Variants in PLCG2 observed in about 807,000 individuals in gnomAD.
PLCG2 encodes the protein phospholipase C gamma 2.
A neutral mutation model predicts 175.6 loss-of-function variants in PLCG2; 69 were observed. That is an observed-to-expected ratio of 0.39 (90% confidence interval 0.32 to 0.48). PLCG2 has a LOEUF of 0.48. Ranked by LOEUF, PLCG2 falls within the 20% of genes least tolerant of loss-of-function variation. PLCG2 has a pLI of 0.91. For missense variants in PLCG2, 1,798 were observed against 1,650.9 expected (o/e 1.09, Z -1.54); for synonymous variants, 827 against 624.0 (o/e 1.33, Z -4.85).
intron 25 of PLCG2, among the ~76,000 whole-genome samples, chr16:81,934,117 G>T (rs1910613121): frequency 6.6e-6 from 1 of 152,154 alleles, no homozygotes; most frequent in South Asian, 2.1e-4. Context: ...GGGACAGGAG[G>T]CAGAGTTAAA....
At chr16:81,803,536 T>C (rs1244573692) in intron 2 of PLCG2, among the ~76,000 whole-genome samples, 2 of 123,390 alleles carry the variant, frequency 1.6e-5, no homozygotes, top group African/African-American at 2.7e-5. Context: ...CCTTTCTTTC[T>C]TTTCTTTCTT....
intron 7 of PLCG2, among the ~76,000 whole-genome samples, chr16:81,872,699 G>A (rs1907576142): frequency 6.6e-6 from 1 of 152,252 alleles, no homozygotes; most frequent in South Asian, 2.1e-4. Context: ...CCAGAGAAAG[G>A]TGTGAGGGCT....
chr16:81,870,368 A>G (rs1426603743), intron 6 of PLCG2, among the ~76,000 whole-genome samples: 2 of 152,224 alleles, frequency 1.3e-5, no homozygotes, highest in African/African-American at 4.8e-5. Flanking sequence ...AATTAATTGG[A>G]GCTGAGTTCT....
chr16:81,874,294 T>A (rs1321524101), intron 7 of PLCG2, among the ~76,000 whole-genome samples: 1 of 152,242 alleles, frequency 6.6e-6, no homozygotes, highest in Non-Finnish European at 1.5e-5. Context: ...CATACAGCTC[T>A]GTCTGCTCAT....
At chr16:81,835,542 G>A (rs756301404) in intron 2 of PLCG2, among the ~76,000 whole-genome samples, 66 of 152,022 alleles carry the variant, frequency 4.3e-4, no homozygotes, top group Admixed American at 2.1e-3. Context: ...TTGTGCCATT[G>A]CTCTCTAGCC....
At chr16:81,868,959 C>G (rs1907378404) in intron 5 of PLCG2, among the ~76,000 whole-genome samples, 1 of 152,210 alleles carries the variant, frequency 6.6e-6, no homozygotes, top group Non-Finnish European at 1.5e-5. Context: ...GGAGACCAGC[C>G]CTCCTTATTG....
intron 32 of PLCG2, among the ~76,000 whole-genome samples, chr16:81,957,422 C>A (rs866853660): frequency 2.0e-5 from 3 of 152,284 alleles, no homozygotes; most frequent in Admixed American, 6.5e-5. Context: ...AGAACTGTTT[C>A]CTCTAGAAGG....
At chr16:81,819,405 G>C (rs1238624094) in intron 2 of PLCG2, among the ~76,000 whole-genome samples, 2 of 152,078 alleles carry the variant, frequency 1.3e-5, no homozygotes, top group African/African-American at 2.4e-5. Context: ...GAATCCCCTT[G>C]TGCAGCCAGG....
At chr16:81,910,853 T>C (rs984468310) in intron 18 of PLCG2, 133 bp downstream of exon 18, 4 of 811,088 alleles carry the variant, frequency 4.9e-6, no homozygotes, top group Non-Finnish European at 8.1e-6. Flanking sequence ...CATCTCAAAA[T>C]TGCCGAGGTG....
chr16:81,784,513 T>C (rs1910883521), intron 1 of PLCG2, among the ~76,000 whole-genome samples: 1 of 152,214 alleles, frequency 6.6e-6, no homozygotes, highest in African/African-American at 2.4e-5. Context: ...CCTCCTTCTT[T>C]GGATCCTGGG....
intron 25 of PLCG2, among the ~76,000 whole-genome samples, chr16:81,933,073 C>A (rs1453409738): frequency 1.3e-5 from 2 of 152,220 alleles, no homozygotes; most frequent in Non-Finnish European, 2.9e-5. Flanking sequence ...CTCTCCCCTG[C>A]CTCACACCTC....
upstream of PLCG2, among the ~76,000 whole-genome samples, chr16:81,778,022 A>AC (rs1555505422): frequency 6.0e-5 from 5 of 83,354 alleles, no homozygotes; most frequent in African/African-American, 2.0e-4. Context: ...GTCTCAAAAA[A>AC]AAAAAAAAAC....
chr16:81,771,580 T>C (rs181211057), intron 2 of PLCG2, among the ~76,000 whole-genome samples: 22 of 152,246 alleles, frequency 1.4e-4, no homozygotes, highest in African/African-American at 3.1e-4. Context: ...CATTCTGTGA[T>C]AGTAAATGCC....
At position 81,923,821 on chromosome 16, in the gene PLCG2, ATAT is replaced by A. The variant is rs1168054839; in HGVS notation, c.2417+234_2417+236del. On this transcript the variant is annotated intron_variant, in intron 22 of 32. Transcript: ENST00000564138. ...ATCGACATATCATATCATATATTGT[ATAT>A]TATTATAATTACAACAGCAGCTACC... 2.0e-5 allele frequency among the ~76,000 whole-genome samples: 3 copies of A among 152,322 alleles called. No homozygotes were observed. In the East Asian group the frequency reaches 5.8e-4, roughly 29 times the overall value.
chr16:81,740,987 A>G (rs1373072648), intron 1 of PLCG2, among the ~76,000 whole-genome samples: 2 of 152,326 alleles, frequency 1.3e-5, no homozygotes, highest in East Asian at 1.9e-4. Flanking sequence ...GCAAGTTTGA[A>G]TAGAGTTCTA....
chr16:81,865,188 T>G (rs1043999475), intron 5 of PLCG2, among the ~76,000 whole-genome samples: 3 of 152,154 alleles, frequency 2.0e-5, no homozygotes, highest in Admixed American at 6.5e-5. Flanking sequence ...TTGCGTGGAC[T>G]GGGTCAGAGC....
At chr16:81,951,509 A>C (rs1331622349) in intron 31 of PLCG2, among the ~76,000 whole-genome samples, 1 of 152,246 alleles carries the variant, frequency 6.6e-6, no homozygotes, top group Non-Finnish European at 1.5e-5. Flanking sequence ...TCATTTAAAT[A>C]ACGTAATTCC....
rs780050470 is a variant in PLCG2 at position 81,959,437 on chromosome 16, G to T, written c.*1439G>T. Reference sequence around the variant, plus strand: ...CTCCACATGCCAAATACAGTGCCAAGATTTGGGGGTGTGGATGTTTAAACA... The same window carrying T: ...CTCCACATGCCAAATACAGTGCCAATATTTGGGGGTGTGGATGTTTAAACA... On this transcript the variant is annotated 3_prime_UTR_variant, in exon 33 of 33. Transcript: ENST00000564138. 1.4e-4 allele frequency: 31 copies of T among 220,450 alleles called. No individual in the cohort carries two copies. Among genetic ancestry groups the T allele is most frequent in the Non-Finnish European group, 2.4e-4 (26 of 110,094 alleles). 13.7% of individuals were successfully genotyped at this position (220,450 alleles called of 1,614,324 possible).
chr16:81,745,662 C>T (rs73604549), intron 1 of PLCG2, among the ~76,000 whole-genome samples: 2,260 of 152,292 alleles, frequency 0.015, 49 homozygotes, highest in African/African-American at 0.05. Context: ...AGTCTGGTAG[C>T]TTCTGTAAGA....
Sources: gnomAD v4.1 joint callset for allele counts (sites outside exome capture counted in the v4.1 genomes callset) on GRCh38, gnomAD v4.1.1 for gene constraint, MANE v1.5 for transcripts, NCBI Gene and HGNC (gene_info 2026-07-23, HGNC 2026-07-21) for gene names.